GPLD1: variants seen among roughly 807,000 people sequenced by gnomAD.
GPLD1 encodes glycosylphosphatidylinositol specific phospholipase D1.
GPLD1 carries 84 observed loss-of-function variants against 112.6 expected under a neutral mutation model. The ratio of observed to expected loss-of-function variants is 0.75; its 90% CI spans 0.63 to 0.89. The LOEUF (loss-of-function observed/expected upper bound fraction) is 0.89. Among genes scored for constraint, GPLD1 ranks in the 40% least tolerant of loss-of-function variants. The pLI is 0.00. For missense variants in GPLD1, 1,044 were observed against 1,051.5 expected (o/e 0.99, Z 0.10); for synonymous variants, 386 against 403.8 (o/e 0.96, Z 0.53).
chr6:24,471,919 A>G (rs1342939708), intron 7 of GPLD1, among the ~76,000 whole-genome samples: 1 of 152,208 alleles, frequency 6.6e-6, no homozygotes, highest in African/African-American at 2.4e-5. Context: ...CATCAGAAGT[A>G]CACATTACAA....
chr6:24,454,260 G>T (rs569286176), intron 13 of GPLD1, 59 bp from the exon 14 acceptor site: 2 of 1,248,934 alleles, frequency 1.6e-6, no homozygotes, highest in Non-Finnish European at 2.2e-6. Context: ...TAAAGCTGTC[G>T]CCTGCTTCTT....
chr6:24,450,653 TTAAAG>T (rs1763051578), intron 14 of GPLD1, among the ~76,000 whole-genome samples: 1 of 152,156 alleles, frequency 6.6e-6, no homozygotes. Context: ...ACATTTAAAT[TTAAAG>T]TAATTAACAT....
intron 11 of GPLD1, among the ~76,000 whole-genome samples, chr6:24,461,426 T>A (rs146009435): frequency 6.1e-4 from 93 of 152,318 alleles, no homozygotes; most frequent in South Asian, 1.2e-3. Flanking sequence ...TCTTCCAAAG[T>A]GCTAAGATCA....
intron 11 of GPLD1, among the ~76,000 whole-genome samples, chr6:24,462,475 G>A (rs1763468564): frequency 6.6e-6 from 1 of 152,110 alleles, no homozygotes; most frequent in South Asian, 2.1e-4. Flanking sequence ...TGTGCTAATT[G>A]CTTTACATCC....
chr6:24,452,133 A>C (rs1013251682), intron 14 of GPLD1, among the ~76,000 whole-genome samples: 2 of 152,156 alleles, frequency 1.3e-5, no homozygotes, highest in Non-Finnish European at 2.9e-5. Context: ...TCACTAGGGG[A>C]GGAGGGCATG....
At chr6:24,475,277 T>C (rs771953402) in intron 4 of GPLD1, 46 bp from the exon 5 acceptor site, 7 of 955,932 alleles carry the variant, frequency 7.3e-6, no homozygotes, top group Non-Finnish European at 5.1e-6. Flanking sequence ...GGTGATTTTA[T>C]AATAACAATC....
intron 12 of GPLD1, 77 bp from the exon 13 acceptor site, chr6:24,456,714 T>A: frequency 1.0e-6 from 1 of 963,248 alleles, no homozygotes. Context: ...GTCCAAAGTA[T>A]TGGACTTGTG....
intron 12 of GPLD1, among the ~76,000 whole-genome samples, chr6:24,457,471 A>G (rs948523198): frequency 4.6e-5 from 7 of 152,104 alleles, no homozygotes; most frequent in African/African-American, 1.7e-4. Flanking sequence ...ACAGAATGAG[A>G]CTCTGTCTCA....
intron 6 of GPLD1, 138 bp from the exon 7 acceptor site, chr6:24,472,774 G>A (rs1206944333): frequency 1.5e-5 from 9 of 609,276 alleles, no homozygotes; most frequent in Non-Finnish European, 2.6e-5. Flanking sequence ...TTAGGTAAAG[G>A]CATGCCTTTT....
Position 24,454,102 on chromosome 6 carries a change from C to T in GPLD1, c.1248G>A (p.Val416=). Residue 416 remains valine, a synonymous_variant, in exon 14 of 25, where the codon GTG becomes GTA. Coordinates refer to ENST00000230036, the MANE Select transcript of GPLD1 (RefSeq NM_001503.4). The part of the protein sequence containing the change: ...SRPGHIHIGR[V]YLIYGNDLGL... ...CCAGGTCATTGCCGTAGATGAGGTA[C>T]ACGCGCCCGATGTGGATGTGGCCGG... 1.2e-6 allele frequency: 2 copies of T among 1,614,018 alleles called. No individual in the cohort carries two copies. The highest frequency in any genetic ancestry group is 1.7e-6 in the Non-Finnish European group (2 of 1,179,896).
chr6:24,432,775 A>G (rs995174651), intron 24 of GPLD1, among the ~76,000 whole-genome samples: 2 of 152,198 alleles, frequency 1.3e-5, no homozygotes, highest in Admixed American at 1.3e-4. Context: ...CTGCCACGGC[A>G]GCACGACAGC....
chr6:24,449,996 GC>G, intron 14 of GPLD1, 97 bp from the exon 15 acceptor site: 1 of 757,392 alleles, frequency 1.3e-6, no homozygotes, highest in Non-Finnish European at 2.2e-6. Context: ...GACAACCCCC[GC>G]CCCCCGCCAC....
At chr6:24,435,595 G>A (rs1056954609) in intron 22 of GPLD1, among the ~76,000 whole-genome samples, 4 of 151,716 alleles carry the variant, frequency 2.6e-5, no homozygotes, top group Non-Finnish European at 5.9e-5. Context: ...GGTGGCTCAT[G>A]CCTGTTATCC....
Position 24,437,225 on chromosome 6 carries a change from G to C in GPLD1, c.2085C>G (p.Tyr695Ter). Residue 695 changes from tyrosine to a stop codon, truncating the protein, a stop_gained, in exon 21 of 25, where the codon TAC (tyrosine) becomes TAG (stop). Coordinates refer to ENST00000230036, the MANE Select transcript of GPLD1 (RefSeq NM_001503.4). LOFTEE classifies it high-confidence loss of function. ...GAGGCTGCGCGTCAGATGTGAGTGCGTACATGCGAGTGGCTCCGCCTTGGT... is the reference window on the plus strand; with the variant it reads ...GAGGCTGCGCGTCAGATGTGAGTGCCTACATGCGAGTGGCTCCGCCTTGGT... ...TLHQGGATRM[Y>*]ALTSDAQPLL... is the part of the protein sequence containing the mutation. 2 of 1,614,118 alleles carry C rather than the reference G, an allele frequency of 1.2e-6. No individual in the cohort carries two copies. The highest frequency in any genetic ancestry group is 1.1e-5 in the South Asian group (1 of 91,082).
chr6:24,481,728 G>T (rs1764210662), intron 2 of GPLD1, among the ~76,000 whole-genome samples: 1 of 152,152 alleles, frequency 6.6e-6, no homozygotes, highest in Non-Finnish European at 1.5e-5. Context: ...GTGCTAGGCT[G>T]TCAGCATTCC....
rs1399445081 is a variant in GPLD1, at chr6:24,475,360, T to C, written c.331-129A>G. ...TAACAAAAAATTTCAGGCAAGTAAA[T>C]TGCAGTTTCTAGTTATTAAAAACCA... On this transcript the variant is annotated intron_variant, in intron 4 of 24. Transcript: ENST00000230036. 16 of 630,190 alleles carry C rather than the reference T, an allele frequency of 2.5e-5. No homozygotes were observed. In the East Asian group the frequency reaches 2.7e-4, roughly 11 times the overall value. 39.0% of individuals were successfully genotyped at this position (630,190 alleles called of 1,614,324 possible). A position where few individuals can be genotyped will look rare whatever the true frequency, so the allele number is the denominator to read the frequency against.
Position 24,489,436 on chromosome 6 carries a change from G to A in GPLD1, c.76C>T (p.Leu26Phe), listed in dbSNP as rs376150888. Reference sequence around the variant, plus strand: ...TTACCTATTTCTACGTGTGTTGAAAGGCCACACGGTGAACCTCTATGGCAG... The same window carrying A: ...TTACCTATTTCTACGTGTGTTGAAAAGCCACACGGTGAACCTCTATGGCAG... ...SLCHRGSPCGLSTHVEIGHRA... is the reference protein window; with the variant it reads ...SLCHRGSPCGFSTHVEIGHRA... The change falls in exon 1 of 25, where the codon CTT becomes TTT. Residue 26 changes from leucine to phenylalanine, a missense_variant. Leu to Phe is a conservative substitution (Grantham distance 22, BLOSUM62 0). Coordinates refer to ENST00000230036, the MANE Select transcript of GPLD1 (RefSeq NM_001503.4). 6.2e-7 allele frequency: 1 copy of A among 1,611,500 alleles called. No individual in the cohort carries two copies. The highest frequency in any genetic ancestry group is 1.7e-5 in the Admixed American group (1 of 60,014).
chr6:24,433,089 A>G (rs1762457583), intron 24 of GPLD1, 98 bp downstream of exon 24: 2 of 847,716 alleles, frequency 2.4e-6, no homozygotes. Flanking sequence ...TCCTTTTCAA[A>G]TAAAAATAAA....
At chr6:24,473,336 T>A (rs1763891871) in intron 6 of GPLD1, 2 of 248,710 alleles carry the variant, frequency 8.0e-6, no homozygotes, top group Non-Finnish European at 1.6e-5. Flanking sequence ...CACTAGCTAA[T>A]GAATTTTAAC....
Sources: gnomAD v4.1 joint callset for allele counts (sites outside exome capture counted in the v4.1 genomes callset) on GRCh38, gnomAD v4.1.1 for gene constraint, MANE v1.5 for transcripts, NCBI Gene and HGNC (gene_info 2026-07-23, HGNC 2026-07-21) for gene names.